The following ROBO2 variants were observed in gnomAD, a reference collection of about 807,000 sequenced individuals.
The protein encoded by ROBO2 is roundabout guidance receptor 2, also known as roundabout homolog 2.
Under a neutral mutation model 160.8 loss-of-function variants are expected in ROBO2, and 53 were observed. The observed-to-expected ratio is 0.33, with a 90% CI of 0.26 to 0.41. The LOEUF (loss-of-function observed/expected upper bound fraction) is 0.41. ROBO2 is among the 10% of genes least tolerant of loss of function. The probability of loss-of-function intolerance (pLI) is 1.00; values close to 1 mark genes in which losing one functional copy is unlikely to be tolerated. For missense variants in ROBO2, 1,577 were observed against 1,722.4 expected (o/e 0.92, Z 1.49); for synonymous variants, 664 against 611.7 (o/e 1.09, Z -1.26).
intron 2 of ROBO2, among the ~76,000 whole-genome samples, chr3:76,193,181 T>C (rs1269648655): frequency 1.3e-5 from 2 of 152,246 alleles, no homozygotes; most frequent in African/African-American, 2.4e-5. Context: ...AAGAATTATC[T>C]TGTAGCTGTG....
chr3:76,383,139 A>G (rs1305473401), intron 2 of ROBO2, among the ~76,000 whole-genome samples: 1 of 152,202 alleles, frequency 6.6e-6, no homozygotes, highest in African/African-American at 2.4e-5. Flanking sequence ...TATTGAACAG[A>G]AAATAGTGTT....
intron 2 of ROBO2, among the ~76,000 whole-genome samples, chr3:76,546,290 TACTGTTTCCTGTC>T (rs1453412476): frequency 6.6e-6 from 1 of 151,952 alleles, no homozygotes; most frequent in Non-Finnish European, 1.5e-5. Flanking sequence ...AAAATACTGG[TACTGTTTCCTGTC>T]ACAAAGCAAA....
chr3:77,003,727 T>G (rs959752082), intron 2 of ROBO2, among the ~76,000 whole-genome samples: 13 of 152,058 alleles, frequency 8.5e-5, no homozygotes, highest in African/African-American at 3.1e-4. Flanking sequence ...TTTTTGTATT[T>G]TTAGTAGAGA....
chr3:76,416,754 T>G (rs2075773040), intron 2 of ROBO2, among the ~76,000 whole-genome samples: 1 of 152,180 alleles, frequency 6.6e-6, no homozygotes, highest in Non-Finnish European at 1.5e-5. Context: ...CTGAAGATGC[T>G]GCTAATATCT....
chr3:75,986,290 T>G (rs1297762436), intron 2 of ROBO2, among the ~76,000 whole-genome samples: 3 of 151,678 alleles, frequency 2.0e-5, no homozygotes, highest in South Asian at 2.1e-4. Flanking sequence ...CTCTAATGAT[T>G]CATTATGTTG....
intron 2 of ROBO2, among the ~76,000 whole-genome samples, chr3:76,953,868 A>G (rs2079095458): frequency 6.6e-6 from 1 of 151,950 alleles, no homozygotes; most frequent in South Asian, 2.1e-4. Flanking sequence ...ACGTGTTACC[A>G]TTTTACATTT....
At chr3:76,552,297 C>T (rs959176702) in intron 2 of ROBO2, among the ~76,000 whole-genome samples, 1 of 152,152 alleles carries the variant, frequency 6.6e-6, no homozygotes, top group Admixed American at 6.5e-5. Context: ...ACCAATCCCC[C>T]ACAGATACTG....
At chr3:76,060,297 A>G (rs1208632650) in intron 2 of ROBO2, among the ~76,000 whole-genome samples, 2 of 81,348 alleles carry the variant, frequency 2.5e-5, no homozygotes, top group East Asian at 5.2e-4. Context: ...ATTTTTGTGT[A>G]CATCAGAATA....
chr3:76,045,147 C>T (rs1250207932), intron 2 of ROBO2, among the ~76,000 whole-genome samples: 1 of 151,922 alleles, frequency 6.6e-6, no homozygotes, highest in African/African-American at 2.4e-5. Flanking sequence ...ATTTTGTTTT[C>T]ATCTGAGAAA....
At chr3:76,398,573 G>A (rs374041119) in intron 2 of ROBO2, among the ~76,000 whole-genome samples, 12 of 151,552 alleles carry the variant, frequency 7.9e-5, no homozygotes, top group South Asian at 2.1e-4. Flanking sequence ...AATTCAATAC[G>A]TACCCTCTTC....
chr3:77,102,662 A>G (rs1392085525), intron 2 of ROBO2, among the ~76,000 whole-genome samples: 1 of 152,136 alleles, frequency 6.6e-6, no homozygotes, highest in Non-Finnish European at 1.5e-5. Context: ...ATTGATAACC[A>G]TCTGTCTTGA....
At chr3:76,257,465 G>A (rs1482763353) in intron 2 of ROBO2, among the ~76,000 whole-genome samples, 2 of 152,080 alleles carry the variant, frequency 1.3e-5, no homozygotes, top group Non-Finnish European at 2.9e-5. Flanking sequence ...GAGAATGGCA[G>A]GCACATTATT....
In ROBO2 at chr3:76,234,959, A is replaced by T. The variant is rs569000912; in HGVS notation, c.109+297357A>T. On this transcript the variant is annotated intron_variant, in intron 2 of 26. Transcript: ENST00000487694. ...TTGTAGCTGATTTAGATGGTTTAGA[A>T]GATAAAAATTTGGACTTTGAGCTGT... is the stretch of plus-strand genomic sequence containing the variant. Among the ~76,000 whole-genome samples, 695 of 152,244 alleles carry T rather than the reference A, an allele frequency of 4.6e-3. 13 individuals are homozygous for T. In the East Asian group the frequency reaches 0.065, roughly 14 times the overall value.
intron 2 of ROBO2, among the ~76,000 whole-genome samples, chr3:77,295,044 G>T (rs1261141166): frequency 6.6e-6 from 1 of 151,094 alleles, no homozygotes; most frequent in East Asian, 2.0e-4. Flanking sequence ...AAGAAAAATT[G>T]ATGCTTAAAC....
intron 2 of ROBO2, among the ~76,000 whole-genome samples, chr3:75,951,712 G>C (rs1022784034): frequency 3.3e-5 from 5 of 151,898 alleles, no homozygotes; most frequent in African/African-American, 4.8e-5. Context: ...ACTACTAATT[G>C]AAGGGGCATT....
chr3:76,383,478 T>C (rs1559856667), intron 2 of ROBO2, among the ~76,000 whole-genome samples: 1 of 152,222 alleles, frequency 6.6e-6, no homozygotes, highest in African/African-American at 2.4e-5. Flanking sequence ...GTCATGTTAT[T>C]TTCATTTTTA....
intron 2 of ROBO2, among the ~76,000 whole-genome samples, chr3:76,879,487 AT>A (rs1046972138): frequency 2.6e-5 from 4 of 152,128 alleles, no homozygotes; most frequent in Non-Finnish European, 5.9e-5. Context: ...CTCTGAAAAA[AT>A]AATATGAAGA....
At chr3:76,577,411 A>C (rs1202734685) in intron 2 of ROBO2, among the ~76,000 whole-genome samples, 1 of 152,066 alleles carries the variant, frequency 6.6e-6, no homozygotes, top group Non-Finnish European at 1.5e-5. Flanking sequence ...GAAACTAATA[A>C]ACTTTGCTGA....
At chr3:76,241,302 CAAAG>C (rs1250785944) in intron 2 of ROBO2, among the ~76,000 whole-genome samples, 2 of 151,888 alleles carry the variant, frequency 1.3e-5, no homozygotes, top group Non-Finnish European at 2.9e-5. Flanking sequence ...AGCACATTAA[CAAAG>C]AAAGACTAAG....
Sources: gnomAD v4.1 joint callset for allele counts (sites outside exome capture counted in the v4.1 genomes callset) on GRCh38, gnomAD v4.1.1 for gene constraint, MANE v1.5 for transcripts, NCBI Gene and HGNC (gene_info 2026-07-23, HGNC 2026-07-21) for gene names.